SH3GL2: variants seen among roughly 807,000 people sequenced by gnomAD.
SH3GL2 encodes endophilin-A1.
SH3GL2 carries 24 observed loss-of-function variants against 46.0 expected under a neutral mutation model. The ratio of observed to expected loss-of-function variants is 0.52; its 90% CI spans 0.38 to 0.73. The LOEUF is 0.73. Among genes scored for constraint, SH3GL2 ranks in the 30% least tolerant of loss-of-function variants. The probability of loss-of-function intolerance (pLI) is 0.00; values close to 1 mark genes in which losing one functional copy is unlikely to be tolerated. For missense variants in SH3GL2, 413 were observed against 424.2 expected (o/e 0.97, Z 0.23); for synonymous variants, 196 against 147.1 (o/e 1.33, Z -2.40).
intron 1 of SH3GL2, among the ~76,000 whole-genome samples, chr9:17,702,257 G>A (rs1181504126): frequency 3.3e-5 from 5 of 152,036 alleles, no homozygotes; most frequent in Admixed American, 3.3e-4. Context: ...AAATTTTCCA[G>A]TGGAATAAAT....
intron 1 of SH3GL2, among the ~76,000 whole-genome samples, chr9:17,738,576 AGAGAGAGAGAGAGAGAGAATTT>A (rs1822420679): frequency 4.4e-5 from 1 of 22,852 alleles, no homozygotes; most frequent in African/African-American, 1.0e-4. Flanking sequence ...ATATATATAT[AGAGAGAGAGAGAGAGAGAATTT>A]TATTTCAAGG....
intron 1 of SH3GL2, among the ~76,000 whole-genome samples, chr9:17,602,184 T>C (rs1259088490): frequency 2.0e-5 from 3 of 152,186 alleles, no homozygotes; most frequent in Non-Finnish European, 4.4e-5. Flanking sequence ...GGCAGGATGC[T>C]CGTGGCATTT....
intron 2 of SH3GL2, among the ~76,000 whole-genome samples, chr9:17,755,155 A>G (rs988877450): frequency 2.0e-5 from 3 of 152,186 alleles, no homozygotes; most frequent in Non-Finnish European, 4.4e-5. Context: ...TTTGAGGTGC[A>G]TTCCCTTAAT....
intron 1 of SH3GL2, among the ~76,000 whole-genome samples, chr9:17,608,691 C>G (rs2134576415): frequency 6.6e-6 from 1 of 152,298 alleles, no homozygotes; most frequent in East Asian, 1.9e-4. Flanking sequence ...CACTGTCTGT[C>G]TCTCCTTACA....
chr9:17,789,679 A>T (rs1466946890), intron 6 of SH3GL2, 129 bp downstream of exon 6: 2 of 1,436,704 alleles, frequency 1.4e-6, no homozygotes, highest in Non-Finnish European at 9.2e-7. Context: ...GTAGATAGTT[A>T]TTTATTTTAA....
At chr9:17,745,203 G>A (rs1205744492) in intron 1 of SH3GL2, among the ~76,000 whole-genome samples, 2 of 152,168 alleles carry the variant, frequency 1.3e-5, no homozygotes, top group South Asian at 4.1e-4. Flanking sequence ...ATGTGTCAGT[G>A]ATACAAATTT....
chr9:17,669,845 C>T (rs1020720835), intron 1 of SH3GL2, among the ~76,000 whole-genome samples: 24 of 152,102 alleles, frequency 1.6e-4, no homozygotes, highest in African/African-American at 5.5e-4. Flanking sequence ...CCAAGGAAAT[C>T]AAGGACATGG....
intron 1 of SH3GL2, among the ~76,000 whole-genome samples, chr9:17,616,831 T>C (rs1819013150): frequency 6.6e-6 from 1 of 152,230 alleles, no homozygotes. Flanking sequence ...AATTAGTTTA[T>C]GCACTTATTT....
chr9:17,672,288 A>G (rs1248094855), intron 1 of SH3GL2, among the ~76,000 whole-genome samples: 2 of 152,184 alleles, frequency 1.3e-5, no homozygotes, highest in African/African-American at 4.8e-5. Context: ...AGGCAACCAA[A>G]CACACAATAT....
chr9:17,788,397 G>A (rs1218583228), intron 5 of SH3GL2, among the ~76,000 whole-genome samples: 1 of 152,086 alleles, frequency 6.6e-6, no homozygotes, highest in Non-Finnish European at 1.5e-5. Context: ...GGGATGCAGT[G>A]TGAGGGAAGG....
intron 1 of SH3GL2, among the ~76,000 whole-genome samples, chr9:17,643,321 A>G (rs140235238): frequency 1.1e-3 from 175 of 152,342 alleles, no homozygotes; most frequent in African/African-American, 4.0e-3. Context: ...ATATACAATC[A>G]TGTCATCTGC....
At chr9:17,794,035 C>A (rs1422609762) in intron 8 of SH3GL2, among the ~76,000 whole-genome samples, 1 of 152,224 alleles carries the variant, frequency 6.6e-6, no homozygotes, top group African/African-American at 2.4e-5. Context: ...TCGACACTTG[C>A]TGGGTTTTCC....
intron 1 of SH3GL2, among the ~76,000 whole-genome samples, chr9:17,600,068 G>A (rs1215571954): frequency 6.6e-6 from 1 of 151,800 alleles, no homozygotes; most frequent in East Asian, 1.9e-4. Flanking sequence ...CCTGCGTTTG[G>A]CTTTCCTAGC....
chr9:17,747,137 A>G lies in SH3GL2; in HGVS notation c.114+3A>G, dbSNP rs927229744. The G allele has an allele frequency of 4.4e-6, 7 of 1,589,428 alleles. No homozygotes were observed. The highest frequency in any genetic ancestry group is 1.3e-5 in the African/African-American group (1 of 74,392). ...ATGACTTCAAAGAGATGGAAAGGGTAAGCCTTCACTACTGCCTAGTGTTCC... is the reference window on the plus strand; with the variant it reads ...ATGACTTCAAAGAGATGGAAAGGGTGAGCCTTCACTACTGCCTAGTGTTCC... On this transcript the variant is annotated splice_donor_region_variant and intron_variant, in intron 2 of 8. Coordinates refer to ENST00000380607, the MANE Select transcript of SH3GL2 (RefSeq NM_003026.5).
chr9:17,684,150 T>G (rs1820844538), intron 1 of SH3GL2, among the ~76,000 whole-genome samples: 1 of 152,116 alleles, frequency 6.6e-6, no homozygotes, highest in Non-Finnish European at 1.5e-5. Context: ...TCAGAGAATT[T>G]TAAATAACTA....
chr9:17,723,026 A>C (rs916318906), intron 1 of SH3GL2, among the ~76,000 whole-genome samples: 1 of 152,148 alleles, frequency 6.6e-6, no homozygotes, highest in African/African-American at 2.4e-5. Flanking sequence ...TGTACAGTCA[A>C]AGCACATTTA....
At chr9:17,716,536 C>T (rs953291557) in intron 1 of SH3GL2, among the ~76,000 whole-genome samples, 2 of 152,184 alleles carry the variant, frequency 1.3e-5, no homozygotes, top group Admixed American at 6.5e-5. Flanking sequence ...GGCACTCTTC[C>T]TGGCCCCATG....
intron 1 of SH3GL2, among the ~76,000 whole-genome samples, chr9:17,743,612 T>G (rs1822596565): frequency 1.1e-5 from 1 of 91,522 alleles, no homozygotes; most frequent in Non-Finnish European, 2.4e-5. Context: ...CCCAAATAGT[T>G]AAAGCCAATG....
chr9:17,671,744 T>A (rs1272884200), intron 1 of SH3GL2, among the ~76,000 whole-genome samples: 1 of 152,220 alleles, frequency 6.6e-6, no homozygotes, highest in African/African-American at 2.4e-5. Flanking sequence ...ATTAACTGTG[T>A]TGAAACTGAG....
Sources: allele counts gnomAD v4.1 joint callset (sites outside exome capture counted in the v4.1 genomes callset), GRCh38; gene constraint gnomAD v4.1.1; transcripts MANE v1.5; gene names NCBI Gene and HGNC (gene_info 2026-07-23, HGNC 2026-07-21).